Variants in PTGFR observed in about 807,000 individuals in gnomAD.
PTGFR encodes the protein prostaglandin F2-alpha receptor.
In PTGFR, 15 loss-of-function variants were observed where a neutral mutation model predicts 26.2. The observed-to-expected ratio is 0.57, with a 90% confidence interval of 0.38 to 0.88. PTGFR has a LOEUF of 0.88. Among genes scored for constraint, PTGFR ranks in the 40% least tolerant of loss-of-function variants. The pLI, the probability that PTGFR is intolerant of heterozygous loss-of-function variation, is 0.00. For missense variants in PTGFR, 369 were observed against 427.2 expected, an observed-to-expected ratio of 0.86 and a Z score of 1.20; for synonymous variants, 165 against 151.1, an observed-to-expected ratio of 1.09 and a Z score of -0.68.
chr1:78,499,057 G>A (rs1649632113), intron 2 of PTGFR, among the ~76,000 whole-genome samples: 1 of 152,164 alleles, frequency 6.6e-6, no homozygotes. Context: ...TCACATTGGG[G>A]AAGGCATGAA....
At position 78,540,399 on chromosome 1, in the gene PTGFR, A is replaced by G. The variant is rs961829427; in HGVS notation, c.*3712A>G. 2.6e-5 allele frequency among the ~76,000 whole-genome samples: 4 copies of G among 152,178 alleles called. No homozygotes were observed. The highest frequency in any genetic ancestry group is 5.9e-5 in the Non-Finnish European group (4 of 68,030). ...AAATTTTCATTCTTGTCTTCCTAAT[A>G]GCATTTAAACAGAAACGATTTTTAA... On this transcript the variant is annotated 3_prime_UTR_variant, in exon 3 of 3. Transcript: ENST00000370757.
chr1:78,506,540 AT>A (rs556579015), intron 2 of PTGFR, among the ~76,000 whole-genome samples: 2,411 of 151,864 alleles, frequency 0.016, 67 homozygotes, highest in African/African-American at 0.054. Flanking sequence ...TTATTTCAGC[AT>A]TTTTTTGACA....
intron 2 of PTGFR, chr1:78,532,390 A>ATACATATATATATATATATATG (rs1650533671): frequency 1.5e-5 from 2 of 132,078 alleles, no homozygotes; most frequent in Non-Finnish European, 3.2e-5. Flanking sequence ...ATATATATAT[A>ATACATATATATATATATATATG]TATATATGTA....
intron 2 of PTGFR, among the ~76,000 whole-genome samples, chr1:78,528,250 A>C (rs1439112906): frequency 6.6e-6 from 1 of 151,034 alleles, no homozygotes; most frequent in Non-Finnish European, 1.5e-5. Flanking sequence ...ATGCTGAAGA[A>C]AAATTAAAAG....
intron 2 of PTGFR, among the ~76,000 whole-genome samples, chr1:78,522,760 C>T (rs982411876): frequency 6.6e-6 from 1 of 151,994 alleles, no homozygotes; most frequent in Non-Finnish European, 1.5e-5. Context: ...CTTGGACGCC[C>T]CTGCAAAATC....
chr1:78,530,423 G>A lies in PTGFR; in HGVS notation c.799-5983G>A, dbSNP rs374877258. Among the ~76,000 whole-genome samples, 40 of 152,274 alleles carry A rather than the reference G, an allele frequency of 2.6e-4. No homozygotes were observed. The South Asian group carries it at 8.3e-3, about 32-fold the overall frequency. On this transcript the variant is annotated intron_variant, in intron 2 of 2. Transcript: ENST00000370757. Reference sequence around the variant, plus strand: ...AAATGTAATTTTAGAAATATTGGATGAGAGTGTGCTAGAATCAGCTTGAAA... The same window carrying A: ...AAATGTAATTTTAGAAATATTGGATAAGAGTGTGCTAGAATCAGCTTGAAA...
intron 2 of PTGFR, among the ~76,000 whole-genome samples, chr1:78,520,106 C>A (rs892271215): frequency 6.6e-6 from 1 of 151,934 alleles, no homozygotes; most frequent in Non-Finnish European, 1.5e-5. Flanking sequence ...AGATGCCAAC[C>A]AGACACTATT....
intron 1 of PTGFR, among the ~76,000 whole-genome samples, chr1:78,491,457 A>C (rs1649394965): frequency 6.6e-6 from 1 of 152,138 alleles, no homozygotes; most frequent in Admixed American, 6.5e-5. Context: ...ATTGGGTAGA[A>C]AGGGTCTCAG....
At chr1:78,535,046 T>C (rs1650612276) in intron 2 of PTGFR, among the ~76,000 whole-genome samples, 2 of 152,106 alleles carry the variant, frequency 1.3e-5, no homozygotes, top group South Asian at 4.1e-4. Flanking sequence ...GATGAGTGCT[T>C]GGGCAGTGCC....
At chr1:78,530,118 A>G (rs77325066) in intron 2 of PTGFR, among the ~76,000 whole-genome samples, 1 of 149,272 alleles carries the variant, frequency 6.7e-6, no homozygotes, top group African/African-American at 2.5e-5. Context: ...AGATAAGAAG[A>G]AGGAAGATAA....
intron 2 of PTGFR, among the ~76,000 whole-genome samples, chr1:78,531,713 C>G (rs1032535818): frequency 6.6e-6 from 1 of 152,044 alleles, no homozygotes; most frequent in Non-Finnish European, 1.5e-5. Flanking sequence ...GGCCTGCTTT[C>G]TGTTAACCCT....
At chr1:78,525,882 C>T (rs1650358806) in intron 2 of PTGFR, among the ~76,000 whole-genome samples, 1 of 152,060 alleles carries the variant, frequency 6.6e-6, no homozygotes, top group African/African-American at 2.4e-5. Flanking sequence ...CAGTCAAACT[C>T]TTTATTACAC....
At chr1:78,523,889 G>T (rs1043155667) in intron 2 of PTGFR, among the ~76,000 whole-genome samples, 3 of 152,036 alleles carry the variant, frequency 2.0e-5, no homozygotes, top group Admixed American at 2.0e-4. Context: ...AATGTTGAAT[G>T]ATACACTCCT....
intron 2 of PTGFR, among the ~76,000 whole-genome samples, chr1:78,494,162 C>T (rs1038891484): frequency 1.3e-5 from 2 of 152,224 alleles, no homozygotes; most frequent in Non-Finnish European, 2.9e-5. Context: ...TTAATTTAAC[C>T]AGCATCTGTA....
Position 78,493,239 on chromosome 1 carries a change from A to G in PTGFR, c.496A>G (p.Ile166Val). Residue 166 changes from isoleucine to valine, a missense_variant, in exon 2 of 3, where the codon ATA becomes GTA. Transcript: ENST00000370757. ...LSGVCLFAVF[I>V]ALLPILGHRD... is the part of the protein sequence containing the mutation. ...TGGTGTGTGCTTGTTTGCTGTTTTC[A>G]TAGCTTTGCTGCCCATCCTTGGACA... 1.2e-6 allele frequency: 2 copies of G among 1,614,218 alleles called. No homozygotes were observed. The highest frequency in any genetic ancestry group is 1.7e-6 in the Non-Finnish European group (2 of 1,180,022).
intron 2 of PTGFR, among the ~76,000 whole-genome samples, chr1:78,506,382 G>T (rs546411225): frequency 4.0e-5 from 6 of 151,662 alleles, no homozygotes; most frequent in African/African-American, 1.4e-4. Context: ...AAGTTATATT[G>T]GTCTGTAATT....
intron 2 of PTGFR, among the ~76,000 whole-genome samples, chr1:78,526,489 C>T (rs932883501): frequency 2.6e-5 from 4 of 152,068 alleles, no homozygotes; most frequent in Non-Finnish European, 4.4e-5. Flanking sequence ...TAGCCACAGA[C>T]ATCCAGGCAT....
rs867042175 is a variant in PTGFR at position 78,493,195 on chromosome 1, A to G, written c.452A>G (p.His151Arg). 1.2e-6 allele frequency: 2 copies of G among 1,614,124 alleles called. No individual in the cohort carries two copies. The highest frequency in any genetic ancestry group is 8.5e-7 in the Non-Finnish European group (1 of 1,179,986). Residue 151 changes from histidine to arginine, a missense_variant, in exon 2 of 3, where the codon CAT becomes CGT. By Grantham distance (29) the His-to-Arg change is conservative. Transcript: ENST00000370757. ...CATTCTACGAAAATTACATCCAAACATGTGAAAATGATGTTAAGTGGTGTG... is the reference window on the plus strand; with the variant it reads ...CATTCTACGAAAATTACATCCAAACGTGTGAAAATGATGTTAAGTGGTGTG... The part of the protein sequence containing the change: ...IFHSTKITSK[H>R]VKMMLSGVCL...
At chr1:78,534,285 CTG>C (rs1359071897) in intron 2 of PTGFR, among the ~76,000 whole-genome samples, 1 of 152,138 alleles carries the variant, frequency 6.6e-6, no homozygotes, top group Non-Finnish European at 1.5e-5. Flanking sequence ...TGTCAGGAGA[CTG>C]TTGCCAGAGA....
Sources: gnomAD v4.1 joint callset for allele counts (sites outside exome capture counted in the v4.1 genomes callset) on GRCh38, gnomAD v4.1.1 for gene constraint, MANE v1.5 for transcripts, NCBI Gene and HGNC (gene_info 2026-07-23, HGNC 2026-07-21) for gene names.